The following SSH1 variants were observed in gnomAD, a reference collection of about 807,000 sequenced individuals.
The protein encoded by SSH1 is slingshot protein phosphatase 1, also known as protein phosphatase Slingshot homolog 1.
In SSH1, 43 loss-of-function variants were observed where a neutral mutation model predicts 79.7. The ratio of observed to expected loss-of-function variants is 0.54; its 90% confidence interval spans 0.42 to 0.70. SSH1 has a LOEUF of 0.70. SSH1 is among the 30% of genes least tolerant of loss of function. The probability of loss-of-function intolerance (pLI) is 0.00; values close to 1 mark genes in which losing one functional copy is unlikely to be tolerated. For synonymous variants in SSH1, 599 were observed against 538.3 expected (o/e 1.11, Z -1.56); for missense variants, 1,206 against 1,358.8 (o/e 0.89, Z 1.77).
Position 108,817,038 on chromosome 12 carries a change from C to T in SSH1, c.401G>A (p.Ser134Asn). 1 of 1,613,992 alleles carries T rather than the reference C, an allele frequency of 6.2e-7. No individual in the cohort carries two copies. Among genetic ancestry groups the T allele is most frequent in the East Asian group, 2.2e-5 (1 of 44,858 alleles). The change falls in exon 5 of 15, where the codon AGT (serine) becomes AAT (asparagine). Residue 134 changes from serine to asparagine, a missense_variant and splice_region_variant. Coordinates refer to ENST00000326495, the MANE Select transcript of SSH1 (RefSeq NM_018984.4). ...GGAACACCTAGCCCATCAGACTCAC[C>T]TTTCCTTACTGGAAAAGTCCACTCC... The part of the protein sequence containing the change: ...LLGVDFSSKE[S>N]KSCTIGMVLR...
chr12:108,815,277 G>C (rs1477195995), intron 5 of SSH1, among the ~76,000 whole-genome samples: 2 of 152,190 alleles, frequency 1.3e-5, no homozygotes, highest in Non-Finnish European at 2.9e-5. Context: ...ATCTGAGGTA[G>C]CACTACCCAC....
At chr12:108,842,628 G>C (rs188433050) in intron 2 of SSH1, among the ~76,000 whole-genome samples, 2 of 152,342 alleles carry the variant, frequency 1.3e-5, no homozygotes, top group Admixed American at 1.3e-4. Flanking sequence ...CAAGCACATA[G>C]TGATGCCGCT....
intron 9 of SSH1, among the ~76,000 whole-genome samples, chr12:108,806,080 T>C (rs916628136): frequency 5.3e-5 from 8 of 152,138 alleles, no homozygotes; most frequent in African/African-American, 4.8e-5. Flanking sequence ...ATTCACTCAA[T>C]GTCTCATAGC....
chr12:108,789,894 A>G (rs551359268), intron 14 of SSH1, among the ~76,000 whole-genome samples: 20 of 152,178 alleles, frequency 1.3e-4, no homozygotes, highest in African/African-American at 4.6e-4. Context: ...AGGTCCTACT[A>G]TGTTGCCCAG....
intron 4 of SSH1, 68 bp downstream of exon 4, chr12:108,818,181 G>T: frequency 7.6e-7 from 1 of 1,316,074 alleles, no homozygotes; most frequent in South Asian, 1.2e-5. Flanking sequence ...CTGGGCAACA[G>T]AGCAAGACCC....
rs528085280 is a variant in SSH1 at position 108,800,438 on chromosome 12, G to T, written c.1148+342C>A. On this transcript the variant is annotated intron_variant, in intron 12 of 14. Transcript: ENST00000326495. ...GTGACTTCCTAGGGGTGGGGCCCCT[G>T]AGTGTCCACTTGGTATCTGGGGCTT... Among the ~76,000 whole-genome samples the T allele has an allele frequency of 5.9e-5, 9 of 152,272 alleles. No individual in the cohort carries two copies. In the South Asian group the frequency reaches 1.9e-3, roughly 32 times the overall value.
rs151040718 is a variant in SSH1, at chr12:108,795,057, T to C, written c.1350-2228A>G. The stretch of plus-strand genomic sequence containing the variant: ...CACATGAAAATTGTGCATTTCTCGA[T>C]ATCCCATCCTTTCCCCTTAAAATTT... On this transcript the variant is annotated intron_variant, in intron 13 of 14. Coordinates refer to ENST00000326495, the MANE Select transcript of SSH1 (RefSeq NM_018984.4). Among the ~76,000 whole-genome samples the C allele has an allele frequency of 6.7e-4, 102 of 152,328 alleles. 1 individual carries two copies. The highest frequency in any genetic ancestry group is 2.4e-3 in the African/African-American group (101 of 41,566).
chr12:108,802,918 A>G (rs2037084042), intron 10 of SSH1, among the ~76,000 whole-genome samples: 1 of 152,246 alleles, frequency 6.6e-6, no homozygotes. Context: ...ATTTGTAATA[A>G]ACCAGTGGAA....
chr12:108,857,295 G>T lies in SSH1; in HGVS notation c.69+133C>A. 1 of 338,978 alleles carries T rather than the reference G, an allele frequency of 3.0e-6. No homozygotes were observed. Among genetic ancestry groups the T allele is most frequent in the African/African-American group, 2.2e-5 (1 of 44,936 alleles). The allele number at this position is 338,978 out of a possible 1,614,324, so 21.0% of individuals were successfully genotyped here. A position where few individuals can be genotyped will look rare whatever the true frequency, so the allele number is the denominator to read the frequency against. On this transcript the variant is annotated intron_variant, in intron 1 of 14. Transcript: ENST00000326495. The surrounding 1 kb of genome is among the most constrained non-coding windows in gnomAD (Gnocchi z 4.7). ...CACGGTCACCCCGGTCCGGCTGCCCGGCTCTGTTCCTACGGCGGGGCCCCG... is the reference window on the plus strand; with the variant it reads ...CACGGTCACCCCGGTCCGGCTGCCCTGCTCTGTTCCTACGGCGGGGCCCCG...
At chr12:108,799,808 A>T (rs2036910936) in intron 12 of SSH1, among the ~76,000 whole-genome samples, 1 of 152,176 alleles carries the variant, frequency 6.6e-6, no homozygotes, top group Non-Finnish European at 1.5e-5. Flanking sequence ...GTGCTGGCCC[A>T]GGCCTGGCTG....
chr12:108,834,942 C>A (rs900878083), intron 2 of SSH1, among the ~76,000 whole-genome samples: 1 of 152,058 alleles, frequency 6.6e-6, no homozygotes, highest in Non-Finnish European at 1.5e-5. Flanking sequence ...CCTGGGCACA[C>A]TGGGCACTCC....
Position 108,788,893 on chromosome 12 carries a change from T to C in SSH1, c.2245A>G (p.Lys749Glu), listed in dbSNP as rs767949670. 22 of 1,614,096 alleles carry C rather than the reference T, an allele frequency of 1.4e-5. No individual in the cohort carries two copies. Among genetic ancestry groups the C allele is most frequent in the East Asian group, 4.5e-5 (2 of 44,896 alleles). Residue 749 changes from lysine to glutamate, a missense_variant, in exon 15 of 15, where the codon AAA (lysine) becomes GAA (glutamate). Lys to Glu is a moderately conservative substitution (Grantham distance 56). Around this residue, in one of 5 missense-constraint regions of SSH1, gnomAD observed 709 missense variants for 730.6 expected, o/e 0.97. Transcript: ENST00000326495. The stretch of plus-strand genomic sequence containing the variant: ...AAAAGGAGGGACTTTGGCAGGACTT[T>C]TGGGGTCTCTCTGGAAGGTTCCAAA... ...SLLEPSRETP[K>E]VLPKSLLLKN... is the part of the protein sequence containing the mutation.
At chr12:108,816,908 C>A in intron 5 of SSH1, 130 bp downstream of exon 5, 1 of 1,420,486 alleles carries the variant, frequency 7.0e-7, no homozygotes, top group Non-Finnish European at 9.9e-7. Flanking sequence ...CCCAGTGGCT[C>A]GACTCCCCAG....
rs1188798736 is a variant in SSH1 at position 108,782,926 on chromosome 12, AAAC to A, written c.*5059_*5061del. ...ACCCACTGGCAGCTTCTGGAAAACC[AAAC>A]AACTCATGGTGTGGAGCTCCTGATT... On this transcript the variant is annotated 3_prime_UTR_variant, in exon 15 of 15. Coordinates refer to ENST00000326495, the MANE Select transcript of SSH1 (RefSeq NM_018984.4). 6 of 152,240 alleles carry A rather than the reference AAAC, an allele frequency of 3.9e-5. No individual in the cohort carries two copies. The highest frequency in any genetic ancestry group is 8.8e-5 in the Non-Finnish European group (6 of 68,046). 9.4% of individuals were successfully genotyped at this position (152,240 alleles called of 1,614,324 possible).
rs570861448 is a variant in SSH1, at chr12:108,841,760, G to T, written c.110+10878C>A. Among the ~76,000 whole-genome samples the T allele has an allele frequency of 2.6e-4, 39 of 151,826 alleles. 1 individual carries two copies. Among genetic ancestry groups the T allele is most frequent in the Non-Finnish European group, 5.9e-5 (4 of 67,986 alleles). The stretch of plus-strand genomic sequence containing the variant: ...GGAGGCAGAGGTTGCAGTGAGCCAA[G>T]ATCGTGCCACTGCACTCCAGCCTGG... On this transcript the variant is annotated intron_variant, in intron 2 of 14. Transcript: ENST00000326495.
At chr12:108,822,439 G>C (rs531170339) in intron 3 of SSH1, among the ~76,000 whole-genome samples, 22 of 150,416 alleles carry the variant, frequency 1.5e-4, no homozygotes, top group African/African-American at 5.4e-4. Flanking sequence ...CTGGCCATAA[G>C]TGTGTTTTGT....
intron 2 of SSH1, among the ~76,000 whole-genome samples, chr12:108,848,602 G>C (rs17041017): frequency 2.0e-5 from 3 of 152,212 alleles, no homozygotes; most frequent in African/African-American, 7.2e-5. Context: ...ATTAACACAC[G>C]GATGTGAATG....
intron 10 of SSH1, among the ~76,000 whole-genome samples, chr12:108,804,050 C>T (rs1469461390): frequency 6.6e-6 from 1 of 152,112 alleles, no homozygotes; most frequent in African/African-American, 2.4e-5. Flanking sequence ...AAAAACTGTA[C>T]TCGGTGCTTT....
chr12:108,792,948 A>C (rs2036578385), intron 13 of SSH1, 119 bp from the exon 14 acceptor site: 2 of 1,209,306 alleles, frequency 1.7e-6, no homozygotes, highest in Non-Finnish European at 1.2e-6. Context: ...GGGACGATCC[A>C]TGGCTCATTC....
Sources: gnomAD v4.1 joint callset for allele counts (sites outside exome capture counted in the v4.1 genomes callset) on GRCh38, gnomAD v4.1.1 for gene constraint, gnomAD v4.1.1 regional missense constraint, Gnocchi (gnomAD v3.1) non-coding constraint, MANE v1.5 for transcripts, NCBI Gene and HGNC (gene_info 2026-07-23, HGNC 2026-07-21) for gene names.